The following POLR3A variants were observed in gnomAD, a reference collection of about 807,000 sequenced individuals.
POLR3A encodes RNA polymerase III subunit A.
Under a neutral mutation model 152.8 loss-of-function variants are expected in POLR3A, and 112 were observed. The observed-to-expected ratio is 0.73, with a 90% CI of 0.63 to 0.86. The LOEUF (loss-of-function observed/expected upper bound fraction) is 0.86, where lower values mean the gene tolerates loss of function less well. Among genes scored for constraint, POLR3A ranks in the 40% least tolerant of loss-of-function variants. The pLI is 0.00. For synonymous variants in POLR3A, 615 were observed against 652.1 expected, an observed-to-expected ratio of 0.94 and a Z score of 0.87; for missense variants, 1,385 against 1,743.1, an observed-to-expected ratio of 0.79 and a Z score of 3.66.
chr10:78,025,536 C>T, intron 3 of POLR3A, 86 bp downstream of exon 3: 4 of 1,337,520 alleles, frequency 3.0e-6, no homozygotes, highest in Non-Finnish European at 4.3e-6. Flanking sequence ...GTATCCCCCA[C>T]CACTCACAGT....
rs2131961952 is a variant in POLR3A, at chr10:78,026,136, G to A, written c.138C>T (p.Asn46=). 1 of 1,614,218 alleles carries A rather than the reference G, an allele frequency of 6.2e-7. No homozygotes were observed. The change falls in exon 2 of 31, where the codon AAC becomes AAT. Residue 46 remains asparagine (N), a synonymous_variant. Transcript: ENST00000372371. ...CCCCATATAGCAAGGGGGCATGTTG[G>A]TTGTCCTGGCTGTACAGGTTCTTAC... ...VVSKNLYSQD[N]QHAPLLYGVL... is the part of the protein sequence containing the mutation.
chr10:78,006,849 T>G (rs866545986), intron 15 of POLR3A, among the ~76,000 whole-genome samples: 3 of 152,142 alleles, frequency 2.0e-5, no homozygotes, highest in African/African-American at 7.2e-5. Context: ...CCAGGCATGG[T>G]AGCTAATGCC....
chr10:77,999,881 A>T, intron 19 of POLR3A, 100 bp downstream of exon 19: 1 of 1,177,474 alleles, frequency 8.5e-7, no homozygotes, highest in Non-Finnish European at 1.3e-6. Flanking sequence ...ACCCAAGACT[A>T]GATAAATTAC....
rs1564616277 is a variant in POLR3A, at chr10:77,994,504, A to G, written c.2617-1137T>C. Among the ~76,000 whole-genome samples the G allele has an allele frequency of 4.6e-5, 7 of 152,170 alleles. No individual in the cohort carries two copies. In the South Asian group the frequency reaches 1.5e-3, roughly 32 times the overall value. ...AGTAGTTAAAAACATTACTTAAAAA[A>G]AAAAAAAAAGCAGAAGACTCAGTAG... On this transcript the variant is annotated intron_variant, in intron 19 of 30. Coordinates refer to ENST00000372371, the MANE Select transcript of POLR3A (RefSeq NM_007055.4).
chr10:77,995,953 C>G (rs564787119), intron 19 of POLR3A, among the ~76,000 whole-genome samples: 1 of 152,274 alleles, frequency 6.6e-6, no homozygotes, highest in Non-Finnish European at 1.5e-5. Context: ...GAAATTATAA[C>G]AAACTGTCTC....
intron 11 of POLR3A, among the ~76,000 whole-genome samples, chr10:78,011,740 G>C (rs1847468396): frequency 6.6e-6 from 1 of 152,132 alleles, no homozygotes; most frequent in Non-Finnish European, 1.5e-5. Context: ...TGGGTAATTT[G>C]GGCCCACATC....
At chr10:78,013,930 A>C (rs1007543906) in intron 10 of POLR3A, 140 bp from the exon 11 acceptor site, 2 of 952,788 alleles carry the variant, frequency 2.1e-6, no homozygotes, top group African/African-American at 3.3e-5. Flanking sequence ...ATGTTCTGTC[A>C]AGTGATATAT....
intron 1 of POLR3A, 91 bp downstream of exon 1, chr10:78,029,273 C>T (rs975480940): frequency 7.6e-7 from 1 of 1,312,254 alleles, no homozygotes; most frequent in East Asian, 2.3e-5. Context: ...TCCCATTGCA[C>T]CCCATCTCTG....
Position 78,022,294 on chromosome 10 carries a change from T to C in POLR3A, c.736A>G (p.Lys246Glu), listed in dbSNP as rs1185653362. The change falls in exon 6 of 31, where the codon AAG (lysine) becomes GAG (glutamate). Residue 246 changes from lysine (K) to glutamate (E), a missense_variant. By Grantham distance (56) the Lys-to-Glu change is moderately conservative (BLOSUM62 1). This residue lies in a region of POLR3A where 493 missense variants were observed against 647.5 expected (regional missense o/e 0.76). Coordinates refer to ENST00000372371, the MANE Select transcript of POLR3A (RefSeq NM_007055.4). ...CGTGTGAGAATCAAATCAGACGGCT[T>C]TCCGGCTTCTGGGTTCATCAGAAGT... is the stretch of plus-strand genomic sequence containing the variant. ...PLLLMNPEAG[K>E]PSDLILTRLL... 1 of 1,614,202 alleles carries C rather than the reference T, an allele frequency of 6.2e-7. No individual in the cohort carries two copies. Among genetic ancestry groups the C allele is most frequent in the Non-Finnish European group, 8.5e-7 (1 of 1,180,032 alleles).
intron 30 of POLR3A, 125 bp from the exon 31 acceptor site, chr10:77,977,751 GAA>G: frequency 4.9e-6 from 4 of 810,782 alleles, no homozygotes; most frequent in Non-Finnish European, 8.6e-6. Flanking sequence ...CACATCAACT[GAA>G]CTTTGGCAAA....
At chr10:77,989,967 T>C (rs936438380) in intron 21 of POLR3A, among the ~76,000 whole-genome samples, 1 of 152,184 alleles carries the variant, frequency 6.6e-6, no homozygotes. Flanking sequence ...CCTTGACACA[T>C]GAACACAAGA....
chr10:77,984,621 C>T (rs888159258), intron 24 of POLR3A, among the ~76,000 whole-genome samples: 1 of 152,226 alleles, frequency 6.6e-6, no homozygotes, highest in Admixed American at 6.5e-5. Flanking sequence ...GGATTACAGG[C>T]GTGAGCCATT....
chr10:78,025,480 G>A (rs1045944644), intron 3 of POLR3A, 142 bp downstream of exon 3: 2 of 808,248 alleles, frequency 2.5e-6, no homozygotes, highest in Non-Finnish European at 4.2e-6. Context: ...TTAACGTAGT[G>A]TGAGATGAAA....
At chr10:77,993,972 T>G (rs1344746369) in intron 19 of POLR3A, among the ~76,000 whole-genome samples, 1 of 152,102 alleles carries the variant, frequency 6.6e-6, no homozygotes, top group Non-Finnish European at 1.5e-5. Flanking sequence ...CTAGGCAACT[T>G]CAAAACAAAA....
chr10:78,000,340 T>C (rs1023129861), intron 18 of POLR3A, among the ~76,000 whole-genome samples: 2 of 152,196 alleles, frequency 1.3e-5, no homozygotes, highest in Non-Finnish European at 2.9e-5. Flanking sequence ...CTGGTGCCAG[T>C]GGCAGGCAAG....
chr10:77,984,292 T>C lies in POLR3A; in HGVS notation c.3249A>G (p.Pro1083=), dbSNP rs1459977243. 6.2e-7 allele frequency: 1 copy of C among 1,607,708 alleles called. No individual in the cohort carries two copies. Among genetic ancestry groups the C allele is most frequent in the Admixed American group, 1.7e-5 (1 of 60,020 alleles). ...IINASKAIST[P]IITAQLDKDD... The stretch of plus-strand genomic sequence containing the variant: ...CCTTGTCTAGCTGTGCTGTGATAAT[T>C]GGAGTGCTGTTGAGAAGCAAAGGAA... The change falls in exon 25 of 31, where the codon CCA becomes CCG. Residue 1083 remains proline, a synonymous_variant. Coordinates refer to ENST00000372371, the MANE Select transcript of POLR3A (RefSeq NM_007055.4).
intron 19 of POLR3A, among the ~76,000 whole-genome samples, chr10:77,994,856 T>C (rs1334683316): frequency 2.0e-5 from 3 of 152,084 alleles, no homozygotes; most frequent in East Asian, 3.9e-4. Context: ...AGACACATAA[T>C]TGTCAGATTC....
Position 77,977,417 on chromosome 10 carries a change from A to G in POLR3A, c.*61T>C. 1 of 1,578,084 alleles carries G rather than the reference A, an allele frequency of 6.3e-7. No individual in the cohort carries two copies. The highest frequency in any genetic ancestry group is 8.7e-7 in the Non-Finnish European group (1 of 1,148,214). ...CGTCCCAGGGAGCACAAAACTCTTT[A>G]TACATCAGCTGGAGACAGGACAAGG... On this transcript the variant is annotated 3_prime_UTR_variant, in exon 31 of 31. Coordinates refer to ENST00000372371, the MANE Select transcript of POLR3A (RefSeq NM_007055.4).
intron 4 of POLR3A, 102 bp downstream of exon 4, chr10:78,024,869 A>G: frequency 6.8e-7 from 1 of 1,481,216 alleles, no homozygotes; most frequent in Non-Finnish European, 9.4e-7. Flanking sequence ...CTAATTTATA[A>G]GGAGAAAAGC....
Sources: gnomAD v4.1 joint callset for allele counts (sites outside exome capture counted in the v4.1 genomes callset) on GRCh38, gnomAD v4.1.1 for gene constraint, gnomAD v4.1.1 regional missense constraint, MANE v1.5 for transcripts, NCBI Gene and HGNC (gene_info 2026-07-23, HGNC 2026-07-21) for gene names.